Variants in NRXN1 observed in about 807,000 individuals in gnomAD.
NRXN1 encodes the protein neurexin-1.
Under a neutral mutation model 150.9 loss-of-function variants are expected in NRXN1, and 39 were observed. The observed-to-expected ratio is 0.26, with a 90% CI of 0.20 to 0.34. The LOEUF is 0.34. Ranked by LOEUF, NRXN1 falls within the 10% of genes least tolerant of loss-of-function variation. The probability of loss-of-function intolerance (pLI) is 1.00; values close to 1 mark genes in which losing one functional copy is unlikely to be tolerated. For missense variants in NRXN1, 1,815 were observed against 1,949.9 expected (o/e 0.93, Z 1.30); for synonymous variants, 924 against 757.0 (o/e 1.22, Z -3.62).
At chr2:50,749,429 C>A (rs965535747) in intron 5 of NRXN1, among the ~76,000 whole-genome samples, 4 of 152,014 alleles carry the variant, frequency 2.6e-5, no homozygotes, top group Non-Finnish European at 4.4e-5. Flanking sequence ...GCATCCCACG[C>A]CCTTTCCTGA....
chr2:50,726,700 T>C (rs137906893), intron 5 of NRXN1, among the ~76,000 whole-genome samples: 2 of 152,320 alleles, frequency 1.3e-5, no homozygotes, highest in South Asian at 2.1e-4. Flanking sequence ...CCTAGAATTA[T>C]ATTAACACTT....
At chr2:49,969,330 G>A (rs1397557754) in intron 21 of NRXN1, among the ~76,000 whole-genome samples, 1 of 151,870 alleles carries the variant, frequency 6.6e-6, no homozygotes, top group Non-Finnish European at 1.5e-5. Context: ...GAGGGTAACT[G>A]GTCCAAAAAG....
intron 5 of NRXN1, among the ~76,000 whole-genome samples, chr2:50,731,802 A>T (rs192473124): frequency 6.6e-6 from 1 of 152,314 alleles, no homozygotes; most frequent in Admixed American, 6.5e-5. Context: ...GAAAATAAAG[A>T]CGCAACCCAG....
At chr2:50,183,942 T>A (rs914117200) in intron 18 of NRXN1, among the ~76,000 whole-genome samples, 1 of 151,964 alleles carries the variant, frequency 6.6e-6, no homozygotes, top group Non-Finnish European at 1.5e-5. Context: ...AGAGTAAAAC[T>A]CCTTAGCTCG....
At chr2:50,961,253 G>C (rs1403068648) in intron 2 of NRXN1, among the ~76,000 whole-genome samples, 1 of 151,754 alleles carries the variant, frequency 6.6e-6, no homozygotes, top group African/African-American at 2.4e-5. Flanking sequence ...AAATTACTGG[G>C]AAATCTTGTT....
intron 15 of NRXN1, among the ~76,000 whole-genome samples, chr2:50,475,019 CA>C (rs1193168880): frequency 1.3e-5 from 2 of 151,930 alleles, no homozygotes; most frequent in Non-Finnish European, 2.9e-5. Flanking sequence ...TCTTGTACAT[CA>C]GAGATTGTGG....
At chr2:50,270,903 CCTG>C (rs1392087652) in intron 17 of NRXN1, among the ~76,000 whole-genome samples, 1 of 152,118 alleles carries the variant, frequency 6.6e-6, no homozygotes, top group Non-Finnish European at 1.5e-5. Context: ...AAATGATTCA[CCTG>C]CTTTGGCCTC....
Position 51,029,078 on chromosome 2 carries a change from G to A in NRXN1, c.-805C>T, listed in dbSNP as rs200223338. 6.6e-6 allele frequency: 1 copy of A among 152,250 alleles called. No individual in the cohort carries two copies. The highest frequency in any genetic ancestry group is 1.5e-5 in the Non-Finnish European group (1 of 68,050). 9.4% of individuals were successfully genotyped at this position (152,250 alleles called of 1,614,324 possible). ...GCTGTTAGATGTGGAAATCGCAACA[G>A]CTCCTCTTCTTTTCTCTCTGCCTCT... On this transcript the variant is annotated 5_prime_UTR_variant, in exon 2 of 23. Transcript: ENST00000401669.
At chr2:50,375,509 T>G (rs181987585) in intron 17 of NRXN1, among the ~76,000 whole-genome samples, 27 of 142,792 alleles carry the variant, frequency 1.9e-4, no homozygotes, top group African/African-American at 6.1e-4. Context: ...AAGCTCTTAA[T>G]CACTAAATTT....
At chr2:50,293,993 C>T (rs542026725) in intron 17 of NRXN1, among the ~76,000 whole-genome samples, 11 of 152,320 alleles carry the variant, frequency 7.2e-5, no homozygotes, top group African/African-American at 2.6e-4. Context: ...CACTTACTAA[C>T]TTGGCTATGA....
At chr2:50,006,304 A>G (rs887464304) in intron 21 of NRXN1, among the ~76,000 whole-genome samples, 6 of 152,052 alleles carry the variant, frequency 3.9e-5, no homozygotes, top group Admixed American at 3.3e-4. Context: ...CTCAGCTTCT[A>G]GTCTCTCCCT....
At chr2:50,708,282 T>G (rs537422081) in intron 5 of NRXN1, among the ~76,000 whole-genome samples, 40 of 152,326 alleles carry the variant, frequency 2.6e-4, no homozygotes, top group African/African-American at 8.9e-4. Context: ...CATGAACTAT[T>G]TTCAATACTT....
chr2:50,877,868 T>G (rs1219586741), intron 5 of NRXN1, among the ~76,000 whole-genome samples: 1 of 151,940 alleles, frequency 6.6e-6, no homozygotes, highest in Non-Finnish European at 1.5e-5. Flanking sequence ...AGAATTCTTT[T>G]CCTTGGCATC....
intron 5 of NRXN1, among the ~76,000 whole-genome samples, chr2:50,861,361 C>A (rs375858765): frequency 2.0e-5 from 3 of 151,974 alleles, no homozygotes; most frequent in Non-Finnish European, 4.4e-5. Flanking sequence ...TACAGGCATG[C>A]GCCACCACAC....
chr2:50,218,921 TTAAA>T (rs2063591394), intron 18 of NRXN1, among the ~76,000 whole-genome samples: 1 of 152,034 alleles, frequency 6.6e-6, no homozygotes, highest in Non-Finnish European at 1.5e-5. Flanking sequence ...TCCATATTGT[TTAAA>T]TAGTTTTCAA....
intron 15 of NRXN1, among the ~76,000 whole-genome samples, chr2:50,492,106 C>T (rs1347536505): frequency 6.6e-6 from 1 of 152,138 alleles, no homozygotes; most frequent in African/African-American, 2.4e-5. Context: ...GGAATCGCAC[C>T]AACCATTTAT....
intron 5 of NRXN1, among the ~76,000 whole-genome samples, chr2:50,665,539 C>T (rs551771246): frequency 2.0e-5 from 3 of 152,036 alleles, no homozygotes; most frequent in East Asian, 1.9e-4. Context: ...GAGTTAATCA[C>T]GCAAAATGCT....
chr2:50,655,415 A>G (rs1686282510), intron 5 of NRXN1, among the ~76,000 whole-genome samples: 1 of 152,034 alleles, frequency 6.6e-6, no homozygotes, highest in Admixed American at 6.6e-5. Flanking sequence ...GAATAAGAAT[A>G]TATACTTTCC....
chr2:50,478,146 C>T (rs2090142868), intron 15 of NRXN1, among the ~76,000 whole-genome samples: 1 of 152,112 alleles, frequency 6.6e-6, no homozygotes, highest in Non-Finnish European at 1.5e-5. Context: ...ATCCAAACCT[C>T]TAAAACAGGT....
Sources: allele counts gnomAD v4.1 joint callset (sites outside exome capture counted in the v4.1 genomes callset), GRCh38; gene constraint gnomAD v4.1.1; transcripts MANE v1.5; gene names NCBI Gene and HGNC (gene_info 2026-07-23, HGNC 2026-07-21).